Variants in DHX36 observed in about 807,000 individuals in gnomAD.
The protein encoded by DHX36 is DEAH-box helicase 36, also known as ATP-dependent DNA/RNA helicase DHX36.
In DHX36, 50 loss-of-function variants were observed where a neutral mutation model predicts 139.0. The ratio of observed to expected loss-of-function variants is 0.36; its 90% CI spans 0.29 to 0.46. The LOEUF is 0.46. Among genes scored for constraint, DHX36 ranks in the 20% least tolerant of loss-of-function variants. DHX36 has a pLI of 1.00. For synonymous variants in DHX36, 425 were observed against 401.9 expected (o/e 1.06, Z -0.69); for missense variants, 1,024 against 1,211.3 (o/e 0.85, Z 2.29).
In DHX36 at chr3:154,309,842, T is replaced by G. The variant is rs1188603481; in HGVS notation, c.643-19A>C. 3 of 1,544,244 alleles carry G rather than the reference T, an allele frequency of 1.9e-6. No homozygotes were observed. Among genetic ancestry groups the G allele is most frequent in the Non-Finnish European group, 2.6e-6 (3 of 1,134,190 alleles). On this transcript the variant is annotated intron_variant, in intron 4 of 24. Transcript: ENST00000496811. The stretch of plus-strand genomic sequence containing the variant: ...CCAATTCCTATTTCAAAAGGGAAAA[T>G]AAAGAATATCACATGTTGACTAAGT...
At chr3:154,281,309 T>C (rs1379669316) in intron 20 of DHX36, among the ~76,000 whole-genome samples, 20 of 152,090 alleles carry the variant, frequency 1.3e-4, no homozygotes. Context: ...TCCACATCCA[T>C]ATTTCTATTA....
chr3:154,305,437 T>C (rs970811009), intron 6 of DHX36: 5 of 302,080 alleles, frequency 1.7e-5, no homozygotes, highest in South Asian at 5.1e-5. Context: ...GAATTACTTA[T>C]GGGGCCTAAA....
At chr3:154,292,402 C>A in intron 15 of DHX36, 149 bp downstream of exon 15, 1 of 1,120,758 alleles carries the variant, frequency 8.9e-7, no homozygotes, top group Non-Finnish European at 1.3e-6. Context: ...ACGATTAGAA[C>A]AACTTTCCTA....
intron 6 of DHX36, among the ~76,000 whole-genome samples, chr3:154,305,820 GA>G (rs1712480823): frequency 6.6e-6 from 1 of 152,140 alleles, no homozygotes; most frequent in Non-Finnish European, 1.5e-5. Context: ...CTAAGCTCCA[GA>G]AAAGGACCAA....
rs765489388 is a variant in DHX36 at position 154,324,354 on chromosome 3, G to T, written c.63C>A (p.Gly21=). The T allele has an allele frequency of 5.0e-6, 8 of 1,597,742 alleles. No individual in the cohort carries two copies. The highest frequency in any genetic ancestry group is 2.2e-5 in the South Asian group (2 of 89,038). Residue 21 remains glycine, a synonymous_variant, in exon 1 of 25, where the codon GGC becomes GGA. Transcript: ENST00000496811. ...GACCCCCTGCTGGCCCCCCTCCATAGCCCCCACCGGAGCTGCGGGGACCCC... is the reference window on the plus strand; with the variant it reads ...GACCCCCTGCTGGCCCCCCTCCATATCCCCCACCGGAGCTGCGGGGACCCC... ...RDGGPRSSGG[G]YGGGPAGGHG...
chr3:154,292,067 A>G (rs1576864144), intron 15 of DHX36, among the ~76,000 whole-genome samples: 1 of 152,180 alleles, frequency 6.6e-6, no homozygotes, highest in Non-Finnish European at 1.5e-5. Flanking sequence ...CTGGATTCAA[A>G]TCCTGGCTCT....
In DHX36 at chr3:154,324,225, C is replaced by CA; in HGVS notation, c.191dup (p.Met64IlefsTer26). On this transcript the variant is annotated frameshift_variant, in exon 1 of 25. Transcript: ENST00000496811. LOFTEE classifies it high-confidence loss of function. Reference sequence around the variant, plus strand: ...TCTGCCCCTGTTTTTTCGCGTACCACATGCCGATTTCGCGGCCTTTCAGGT... The same window carrying CA: ...TCTGCCCCTGTTTTTTCGCGTACCACAATGCCGATTTCGCGGCCTTTCAGGT... 1 of 1,613,626 alleles carries CA rather than the reference C, an allele frequency of 6.2e-7. No individual in the cohort carries two copies. Among genetic ancestry groups the CA allele is most frequent in the Non-Finnish European group, 8.5e-7 (1 of 1,179,726 alleles).
intron 15 of DHX36, 147 bp downstream of exon 15, chr3:154,292,404 A>G (rs534283380): frequency 8.8e-7 from 1 of 1,135,468 alleles, no homozygotes; most frequent in South Asian, 1.4e-5. Flanking sequence ...GATTAGAACA[A>G]CTTTCCTATT....
At chr3:154,288,331 T>C (rs1310964873) in intron 17 of DHX36, among the ~76,000 whole-genome samples, 1 of 151,900 alleles carries the variant, frequency 6.6e-6, no homozygotes, top group Non-Finnish European at 1.5e-5. Flanking sequence ...CTGAACTCTT[T>C]ATGAAGATGC....
chr3:154,299,222 G>A (rs1712163636), intron 12 of DHX36, among the ~76,000 whole-genome samples: 3 of 152,130 alleles, frequency 2.0e-5, no homozygotes, highest in Admixed American at 2.0e-4. Flanking sequence ...GCAGTGAGCC[G>A]AGATGGCATC....
chr3:154,311,156 A>C (rs1712749575), intron 4 of DHX36, among the ~76,000 whole-genome samples: 1 of 151,850 alleles, frequency 6.6e-6, no homozygotes, highest in Admixed American at 6.6e-5. Context: ...GTAAAAAATA[A>C]AGTAAAATAA....
intron 6 of DHX36, among the ~76,000 whole-genome samples, chr3:154,306,006 A>G (rs1712486945): frequency 6.6e-6 from 1 of 152,236 alleles, no homozygotes; most frequent in African/African-American, 2.4e-5. Context: ...TTCCAAATAT[A>G]AAAGCATCAT....
chr3:154,286,449 G>C (rs1411409856), intron 17 of DHX36, among the ~76,000 whole-genome samples: 1 of 151,486 alleles, frequency 6.6e-6, no homozygotes, highest in Non-Finnish European at 1.5e-5. Flanking sequence ...CTTTATTTCT[G>C]TATTATCAGA....
At chr3:154,311,394 A>C (rs1712759238) in intron 4 of DHX36, among the ~76,000 whole-genome samples, 1 of 152,116 alleles carries the variant, frequency 6.6e-6, no homozygotes, top group Non-Finnish European at 1.5e-5. Flanking sequence ...TTATAGGAGG[A>C]AATTTTACTT....
Position 154,315,103 on chromosome 3 carries a change from T to C in DHX36, c.546A>G (p.Gln182=). The change falls in exon 3 of 25, where the codon CAA becomes CAG. Residue 182 remains glutamine, a synonymous_variant. Transcript: ENST00000496811. Reference sequence around the variant, plus strand: ...TCTTTTGTAAATCTTCCAATAATTTTTGGTCTAAAGTTCCATCTGGTTCAT... The same window carrying C: ...TCTTTTGTAAATCTTCCAATAATTTCTGGTCTAAAGTTCCATCTGGTTCAT... The part of the protein sequence containing the change: ...QENEPDGTLD[Q]KLLEDLQKKK... The C allele has an allele frequency of 1.2e-6, 2 of 1,612,884 alleles. No individual in the cohort carries two copies. Among genetic ancestry groups the C allele is most frequent in the Non-Finnish European group, 1.7e-6 (2 of 1,179,548 alleles).
At position 154,297,604 on chromosome 3, in the gene DHX36, G is replaced by A. The variant is rs186025689; in HGVS notation, c.1549+2234C>T. ...TGGGTGCCTATAATCCCAGCTACTCGGGAGGCTGAGGCAGGGAACTGCTTG... is the reference window on the plus strand; with the variant it reads ...TGGGTGCCTATAATCCCAGCTACTCAGGAGGCTGAGGCAGGGAACTGCTTG... On this transcript the variant is annotated intron_variant, in intron 12 of 24. Coordinates refer to ENST00000496811, the MANE Select transcript of DHX36 (RefSeq NM_020865.3). Among the ~76,000 whole-genome samples, 488 of 152,042 alleles carry A rather than the reference G, an allele frequency of 3.2e-3. 1 individual carries two copies. Among genetic ancestry groups the A allele is most frequent in the African/African-American group, 0.011 (452 of 41,458 alleles).
intron 1 of DHX36, among the ~76,000 whole-genome samples, chr3:154,316,380 G>A (rs537755328): frequency 3.3e-5 from 5 of 151,896 alleles, no homozygotes; most frequent in Non-Finnish European, 7.4e-5. Context: ...TTTCCAACAA[G>A]CATTTATAAA....
chr3:154,295,447 G>C, intron 12 of DHX36, 108 bp from the exon 13 acceptor site: 1 of 493,352 alleles, frequency 2.0e-6, no homozygotes, highest in South Asian at 3.4e-5. Flanking sequence ...TTCTTTTTTT[G>C]ATAAGACATT....
At chr3:154,313,326 T>A (rs1406816120) in intron 3 of DHX36, among the ~76,000 whole-genome samples, 1 of 152,096 alleles carries the variant, frequency 6.6e-6, no homozygotes, top group African/African-American at 2.4e-5. Context: ...AACGAAGATG[T>A]GAGATAATTC....
Sources: allele counts gnomAD v4.1 joint callset (sites outside exome capture counted in the v4.1 genomes callset), GRCh38; gene constraint gnomAD v4.1.1; transcripts MANE v1.5; gene names NCBI Gene and HGNC (gene_info 2026-07-23, HGNC 2026-07-21).